The following ADGRL3 variants were observed in gnomAD, a reference collection of about 807,000 sequenced individuals.
ADGRL3 encodes the protein calcium-independent alpha-latrotoxin receptor 3.
ADGRL3 carries 62 observed loss-of-function variants against 153.5 expected under a neutral mutation model. The observed-to-expected ratio is 0.40, with a 90% CI of 0.33 to 0.50. The LOEUF is 0.50. Ranked by LOEUF, ADGRL3 falls within the 20% of genes least tolerant of loss-of-function variation. The pLI, the probability that ADGRL3 is intolerant of heterozygous loss-of-function variation, is 0.47. For missense variants in ADGRL3, 1,641 were observed against 1,859.4 expected, an observed-to-expected ratio of 0.88 and a Z score of 2.16; for synonymous variants, 710 against 672.5, an observed-to-expected ratio of 1.06 and a Z score of -0.86.
intron 18 of ADGRL3, among the ~76,000 whole-genome samples, chr4:61,981,372 A>T (rs551562345): frequency 5.3e-5 from 8 of 151,972 alleles, no homozygotes; most frequent in African/African-American, 1.4e-4. Context: ...TTTGGAAAAT[A>T]GTACAACCTG....
intron 6 of ADGRL3, among the ~76,000 whole-genome samples, chr4:61,727,688 C>T (rs1331035012): frequency 6.6e-6 from 1 of 152,056 alleles, no homozygotes; most frequent in African/African-American, 2.4e-5. Context: ...TTCTTTTGCT[C>T]TCCAGTTTTA....
At chr4:61,843,235 A>T (rs2098060908) in intron 9 of ADGRL3, among the ~76,000 whole-genome samples, 1 of 152,172 alleles carries the variant, frequency 6.6e-6, no homozygotes, top group African/African-American at 2.4e-5. Context: ...TATGGATATA[A>T]ACTTATAGAT....
rs1419950547 is a variant in ADGRL3, at chr4:61,524,204, C to T, written c.259+6686C>T. On this transcript the variant is annotated intron_variant, in intron 4 of 26. Transcript: ENST00000683033. ...ATCCCAGATACAAAGAGGAAACTTA[C>T]GTTATATTTATAGAAGCGTTAACAC... Among the ~76,000 whole-genome samples, 6 of 151,970 alleles carry T rather than the reference C, an allele frequency of 3.9e-5. No individual in the cohort carries two copies. The East Asian group carries it at 7.7e-4, about 20-fold the overall frequency.
At chr4:61,602,178 C>T (rs2099014913) in intron 5 of ADGRL3, among the ~76,000 whole-genome samples, 1 of 151,686 alleles carries the variant, frequency 6.6e-6, no homozygotes, top group African/African-American at 2.4e-5. Context: ...ATAACCCCAT[C>T]AAGGTTGATA....
intron 1 of ADGRL3, among the ~76,000 whole-genome samples, chr4:61,274,937 A>G (rs1483278503): frequency 6.6e-6 from 1 of 152,136 alleles, no homozygotes; most frequent in African/African-American, 2.4e-5. Flanking sequence ...TCAAAACAAA[A>G]CAAGATGGAC....
At chr4:61,636,150 C>A (rs1465628248) in intron 5 of ADGRL3, among the ~76,000 whole-genome samples, 1 of 152,098 alleles carries the variant, frequency 6.6e-6, no homozygotes, top group Non-Finnish European at 1.5e-5. Flanking sequence ...CCTGTCTGAA[C>A]AAATGATATA....
chr4:61,694,356 G>A (rs1009665837), intron 6 of ADGRL3, among the ~76,000 whole-genome samples: 8 of 151,758 alleles, frequency 5.3e-5, no homozygotes, highest in African/African-American at 1.9e-4. Flanking sequence ...ATACTTCAGA[G>A]ATACTGTGGG....
intron 4 of ADGRL3, among the ~76,000 whole-genome samples, chr4:61,578,272 T>A (rs2098902854): frequency 1.3e-5 from 2 of 152,088 alleles, no homozygotes; most frequent in Non-Finnish European, 2.9e-5. Flanking sequence ...TAAGCCACGG[T>A]TTGGTAAATG....
At chr4:61,634,256 C>A (rs753931765) in intron 5 of ADGRL3, among the ~76,000 whole-genome samples, 26 of 152,060 alleles carry the variant, frequency 1.7e-4, no homozygotes, top group Non-Finnish European at 3.2e-4. Context: ...GATTTCACAT[C>A]CATTAAGGGC....
At chr4:61,938,863 A>C (rs1336717132) in intron 15 of ADGRL3, among the ~76,000 whole-genome samples, 5 of 33,018 alleles carry the variant, frequency 1.5e-4, no homozygotes, top group African/African-American at 4.2e-4. Context: ...CCTCCTCCTC[A>C]AAAAAAAAAA....
intron 17 of ADGRL3, among the ~76,000 whole-genome samples, chr4:61,953,735 A>T (rs1412014175): frequency 2.0e-5 from 3 of 152,192 alleles, no homozygotes; most frequent in Admixed American, 6.5e-5. Flanking sequence ...ATAGGGGAAG[A>T]TCATCTGTGT....
intron 9 of ADGRL3, among the ~76,000 whole-genome samples, chr4:61,833,964 T>A (rs2097903357): frequency 6.6e-6 from 1 of 151,618 alleles, no homozygotes; most frequent in Admixed American, 6.6e-5. Flanking sequence ...GCTTCTTTTT[T>A]TTTTTTTTTT....
chr4:61,329,306 A>G (rs2095525418), intron 1 of ADGRL3, among the ~76,000 whole-genome samples: 1 of 152,200 alleles, frequency 6.6e-6, no homozygotes, highest in Non-Finnish European at 1.5e-5. Flanking sequence ...AGAAATCTTC[A>G]ACAGTATTGT....
At chr4:61,745,013 T>C (rs973190291) in intron 8 of ADGRL3, among the ~76,000 whole-genome samples, 9 of 151,996 alleles carry the variant, frequency 5.9e-5, no homozygotes, top group Non-Finnish European at 7.4e-5. Context: ...CACAGAGAAG[T>C]GCTTAAAGGA....
At chr4:61,605,329 T>C (rs756419084) in intron 5 of ADGRL3, among the ~76,000 whole-genome samples, 10 of 152,086 alleles carry the variant, frequency 6.6e-5, no homozygotes, top group Non-Finnish European at 1.0e-4. Flanking sequence ...TCTTAAAAAG[T>C]AAATAATATT....
intron 1 of ADGRL3, among the ~76,000 whole-genome samples, chr4:61,222,087 A>G (rs1745857284): frequency 6.6e-6 from 1 of 152,034 alleles, no homozygotes; most frequent in Non-Finnish European, 1.5e-5. Flanking sequence ...ATTGAATTAG[A>G]TTCTACTTTT....
chr4:61,518,313 A>C (rs2098509992), intron 4 of ADGRL3, among the ~76,000 whole-genome samples: 2 of 152,212 alleles, frequency 1.3e-5, no homozygotes, highest in South Asian at 4.1e-4. Context: ...GCTGGGAAGC[A>C]TTTGGCTAGT....
chr4:62,046,753 G>C (rs1731332971), intron 25 of ADGRL3, among the ~76,000 whole-genome samples: 1 of 151,914 alleles, frequency 6.6e-6, no homozygotes, highest in African/African-American at 2.4e-5. Flanking sequence ...TGTGCTAGAA[G>C]TCATAGTGAT....
chr4:61,518,163 A>C (rs1360195660), intron 4 of ADGRL3, among the ~76,000 whole-genome samples: 5 of 152,152 alleles, frequency 3.3e-5, no homozygotes, highest in Non-Finnish European at 7.3e-5. Context: ...TTTCCCGAAC[A>C]CTTTACATTT....
Sources: gnomAD v4.1 joint callset for allele counts (sites outside exome capture counted in the v4.1 genomes callset) on GRCh38, gnomAD v4.1.1 for gene constraint, MANE v1.5 for transcripts, NCBI Gene and HGNC (gene_info 2026-07-23, HGNC 2026-07-21) for gene names.